WASF3: variants seen among roughly 807,000 people sequenced by gnomAD.
WASF3 encodes actin-binding protein WASF3.
In WASF3, 11 loss-of-function variants were observed where a neutral mutation model predicts 46.6. The ratio of observed to expected loss-of-function variants is 0.24; its 90% confidence interval spans 0.15 to 0.39. The LOEUF is 0.39. WASF3 is among the 10% of genes least tolerant of loss of function. The pLI, the probability that WASF3 is intolerant of heterozygous loss-of-function variation, is 1.00. For synonymous variants in WASF3, 242 were observed against 259.7 expected (o/e 0.93, Z 0.65); for missense variants, 576 against 669.8 (o/e 0.86, Z 1.55).
intron 7 of WASF3, among the ~76,000 whole-genome samples, chr13:26,678,679 G>GGAAT (rs1382420664): frequency 6.6e-6 from 1 of 152,210 alleles, no homozygotes; most frequent in African/African-American, 2.4e-5. Context: ...TAGATTGTTA[G>GGAAT]GAATGGCTTG....
intron 1 of WASF3, among the ~76,000 whole-genome samples, chr13:26,573,705 A>G (rs928116148): frequency 3.9e-5 from 6 of 152,150 alleles, no homozygotes; most frequent in African/African-American, 1.4e-4. Context: ...TTTTACTGAT[A>G]TGAATACAGA....
At chr13:26,665,759 T>C (rs1882752060) in intron 4 of WASF3, among the ~76,000 whole-genome samples, 1 of 152,218 alleles carries the variant, frequency 6.6e-6, no homozygotes, top group South Asian at 2.1e-4. Context: ...TTCAACAAAA[T>C]TGAAACTATC....
chr13:26,561,299 G>C (rs1436996461), intron 1 of WASF3, among the ~76,000 whole-genome samples: 1 of 152,152 alleles, frequency 6.6e-6, no homozygotes. Context: ...TGAGGAGGTA[G>C]AATTGCTGGG....
Position 26,623,382 on chromosome 13 carries a change from A to C in WASF3, c.-11+10324A>C, listed in dbSNP as rs1593154276. Among the ~76,000 whole-genome samples, 7 of 152,156 alleles carry C rather than the reference A, an allele frequency of 4.6e-5. No individual in the cohort carries two copies. The South Asian group carries it at 1.5e-3, about 32-fold the overall frequency. On this transcript the variant is annotated intron_variant, in intron 2 of 9. Coordinates refer to ENST00000335327, the MANE Select transcript of WASF3 (RefSeq NM_006646.6). ...TCTCTCCTATGACAGAGTTCCCAGG[A>C]GGGCAATGAAACCTCTAGCCCATAG...
chr13:26,585,488 CTG>C (rs1880102904), intron 1 of WASF3, among the ~76,000 whole-genome samples: 1 of 152,142 alleles, frequency 6.6e-6, no homozygotes, highest in South Asian at 2.1e-4. Context: ...GATTTGAAGA[CTG>C]AAGTATAATT....
chr13:26,666,035 A>G (rs1415080238), intron 4 of WASF3, among the ~76,000 whole-genome samples: 1 of 152,222 alleles, frequency 6.6e-6, no homozygotes, highest in Non-Finnish European at 1.5e-5. Context: ...TAAAAAAAGT[A>G]GTTGTGGAAT....
upstream of WASF3, among the ~76,000 whole-genome samples, chr13:26,554,324 T>C (rs1326445826): frequency 6.6e-6 from 1 of 151,876 alleles, no homozygotes; most frequent in African/African-American, 2.4e-5. Context: ...AAGATGGGAA[T>C]CTCACTATAT....
Position 26,687,734 on chromosome 13 carries a change from T to TTA in WASF3, c.*1890_*1891insAT, listed in dbSNP as rs1883455319. 2.0e-5 allele frequency: 3 copies of TTA among 151,806 alleles called. No homozygotes were observed. Among genetic ancestry groups the TTA allele is most frequent in the Admixed American group, 6.6e-5 (1 of 15,250 alleles). The allele number at this position is 151,806 out of a possible 1,614,324, so 9.4% of individuals were successfully genotyped here. A position where few individuals can be genotyped will look rare whatever the true frequency, so the allele number is the denominator to read the frequency against. The stretch of plus-strand genomic sequence containing the variant: ...TTCTCTCTCTCTCTCTTTTTTTTTT[T>TTA]TTTGTTGTTGTTAAAAAGGGCCTAC... On this transcript the variant is annotated 3_prime_UTR_variant, in exon 10 of 10. Transcript: ENST00000335327.
chr13:26,629,268 C>A (rs1881577617), intron 2 of WASF3, among the ~76,000 whole-genome samples: 1 of 152,204 alleles, frequency 6.6e-6, no homozygotes, highest in Admixed American at 6.5e-5. Flanking sequence ...CAGAAATCTT[C>A]ACCCTGTGCC....
intron 1 of WASF3, among the ~76,000 whole-genome samples, chr13:26,611,050 T>TTG (rs2137221593): frequency 1.3e-5 from 2 of 150,758 alleles, no homozygotes; most frequent in East Asian, 3.9e-4. Context: ...TTTTTTTTTT[T>TTG]TGGTAGAGGT....
intron 2 of WASF3, among the ~76,000 whole-genome samples, chr13:26,636,483 C>A (rs574849599): frequency 6.6e-6 from 1 of 152,178 alleles, no homozygotes; most frequent in East Asian, 1.9e-4. Flanking sequence ...GGCAATGCCC[C>A]GCCCTGCTTT....
intron 1 of WASF3, among the ~76,000 whole-genome samples, chr13:26,591,214 T>C (rs574030390): frequency 1.2e-4 from 18 of 151,940 alleles, no homozygotes; most frequent in Non-Finnish European, 2.5e-4. Context: ...CATGTGGCTC[T>C]CTTAGGTCAT....
chr13:26,597,040 T>C (rs1362058708), intron 1 of WASF3, among the ~76,000 whole-genome samples: 1 of 152,264 alleles, frequency 6.6e-6, no homozygotes, highest in East Asian at 1.9e-4. Context: ...TTATGTCTAC[T>C]GGTTGCAACA....
chr13:26,671,962 C>G lies in WASF3; in HGVS notation c.513C>G (p.Asp171Glu). ...AAAAAATGCTACAGGACACAGAAGA[C>G]AAAAGGAAAGAGAAAAGGCGTCAAA... is the stretch of plus-strand genomic sequence containing the variant. The part of the protein sequence containing the change: ...WKEKMLQDTE[D>E]KRKEKRRQKE... Residue 171 changes from aspartate to glutamate, a missense_variant, in exon 6 of 10, where the codon GAC becomes GAG. Asp to Glu is a conservative substitution (Grantham distance 45). Coordinates refer to ENST00000335327, the MANE Select transcript of WASF3 (RefSeq NM_006646.6). 6.2e-7 allele frequency: 1 copy of G among 1,610,224 alleles called. No individual in the cohort carries two copies. The highest frequency in any genetic ancestry group is 2.2e-5 in the East Asian group (1 of 44,612).
the WASF3 span, among the ~76,000 whole-genome samples, chr13:26,552,296 G>A: frequency 6.6e-6 from 1 of 152,118 alleles, no homozygotes; most frequent in East Asian, 1.9e-4. Flanking sequence ...TGCACATAGA[G>A]CATTCTCAAC....
intron 2 of WASF3, chr13:26,626,147 T>C (rs1431407301): frequency 2.6e-5 from 4 of 152,104 alleles, no homozygotes; most frequent in African/African-American, 7.2e-5. Context: ...AGAGATTGGG[T>C]TCAACTCTGA....
intron 1 of WASF3, among the ~76,000 whole-genome samples, chr13:26,604,531 G>A (rs913065949): frequency 2.6e-5 from 4 of 152,098 alleles, no homozygotes; most frequent in Non-Finnish European, 4.4e-5. Context: ...ATGTGCATCC[G>A]AAGTGCTTTG....
chr13:26,677,464 G>T (rs547184993), intron 7 of WASF3, among the ~76,000 whole-genome samples: 1 of 152,260 alleles, frequency 6.6e-6, no homozygotes, highest in South Asian at 2.1e-4. Context: ...TTTGAATAGA[G>T]AATTCTTACA....
At chr13:26,580,445 C>T (rs1026377493) in intron 1 of WASF3, among the ~76,000 whole-genome samples, 1 of 152,094 alleles carries the variant, frequency 6.6e-6, no homozygotes, top group Non-Finnish European at 1.5e-5. Flanking sequence ...TTGTCTAAAA[C>T]TCGACAAGCA....
Sources: gnomAD v4.1 joint callset for allele counts (sites outside exome capture counted in the v4.1 genomes callset) on GRCh38, gnomAD v4.1.1 for gene constraint, MANE v1.5 for transcripts, NCBI Gene and HGNC (gene_info 2026-07-23, HGNC 2026-07-21) for gene names.